Variants in CDK5RAP2 observed in about 807,000 individuals in gnomAD.
CDK5RAP2 encodes CDK5 regulatory subunit-associated protein 2.
CDK5RAP2 carries 147 observed loss-of-function variants against 232.9 expected under a neutral mutation model. That is an observed-to-expected ratio of 0.63 (90% CI 0.55 to 0.72). CDK5RAP2 has a LOEUF of 0.72. Ranked by LOEUF, CDK5RAP2 falls within the 30% of genes least tolerant of loss-of-function variation. CDK5RAP2 has a pLI of 0.00. For synonymous variants in CDK5RAP2, 833 were observed against 833.7 expected, an observed-to-expected ratio of 1.00 and a Z score of 0.01; for missense variants, 2,195 against 2,231.5, an observed-to-expected ratio of 0.98 and a Z score of 0.33.
chr9:120,544,202 T>C (rs987672749), intron 5 of CDK5RAP2, among the ~76,000 whole-genome samples: 5 of 152,174 alleles, frequency 3.3e-5, no homozygotes, highest in African/African-American at 7.2e-5. Flanking sequence ...GAGGAGTGTA[T>C]GCAAGCCTTT....
At chr9:120,498,178 T>C (rs1422149026) in intron 12 of CDK5RAP2, among the ~76,000 whole-genome samples, 1 of 152,206 alleles carries the variant, frequency 6.6e-6, no homozygotes, top group Non-Finnish European at 1.5e-5. Flanking sequence ...TGATCACCAA[T>C]AAATAGTCTG....
At position 120,471,776 on chromosome 9, in the gene CDK5RAP2, C is replaced by A; in HGVS notation, c.1830G>T (p.Glu610Asp). ...SYQNLRKTLE[E>D]QISEIRRREE... Reference sequence around the variant, plus strand: ...CCCGCCTCCGAATTTCGCTGATCTGCTCCTCCAAGGTCTTCCGCAAATTCT... The same window carrying A: ...CCCGCCTCCGAATTTCGCTGATCTGATCCTCCAAGGTCTTCCGCAAATTCT... The change falls in exon 16 of 38, where the codon GAG becomes GAT. Residue 610 changes from glutamate (E) to aspartate (D), a missense_variant. Coordinates refer to ENST00000349780, the MANE Select transcript of CDK5RAP2 (RefSeq NM_018249.6). 1 of 1,614,150 alleles carries A rather than the reference C, an allele frequency of 6.2e-7. No homozygotes were observed. Among genetic ancestry groups the A allele is most frequent in the Non-Finnish European group, 8.5e-7 (1 of 1,179,986 alleles).
At chr9:120,411,324 G>A (rs1189111203) in intron 29 of CDK5RAP2, 34 bp downstream of exon 29, 31 of 1,292,974 alleles carry the variant, frequency 2.4e-5, no homozygotes, top group Admixed American at 1.3e-4. Context: ...AGGCTTTGGC[G>A]TTCCAGACTT....
At chr9:120,397,271 T>C (rs2032554570) in intron 35 of CDK5RAP2, among the ~76,000 whole-genome samples, 1 of 152,168 alleles carries the variant, frequency 6.6e-6, no homozygotes, top group African/African-American at 2.4e-5. Flanking sequence ...GCTTCAGCAA[T>C]GATCAATTCA....
chr9:120,400,373 C>T (rs2032893154), intron 35 of CDK5RAP2, among the ~76,000 whole-genome samples: 1 of 152,188 alleles, frequency 6.6e-6, no homozygotes, highest in Non-Finnish European at 1.5e-5. Flanking sequence ...ATGAGCTAGT[C>T]CATGAGGACA....
At chr9:120,455,216 C>T (rs961042987) in intron 20 of CDK5RAP2, among the ~76,000 whole-genome samples, 2 of 152,026 alleles carry the variant, frequency 1.3e-5, no homozygotes, top group Non-Finnish European at 2.9e-5. Flanking sequence ...AGAACAACAG[C>T]GGAGGGCTTC....
rs545453674 is a variant in CDK5RAP2, at chr9:120,576,055, T to C, written c.59+3865A>G. 4.6e-5 allele frequency among the ~76,000 whole-genome samples: 7 copies of C among 152,366 alleles called. 1 individual carries two copies. Among genetic ancestry groups the C allele is most frequent in the African/African-American group, 1.7e-4 (7 of 41,594 alleles). On this transcript the variant is annotated intron_variant, in intron 1 of 37. Coordinates refer to ENST00000349780, the MANE Select transcript of CDK5RAP2 (RefSeq NM_018249.6). ...TATTCTGTTCTATTTTTCTAAATCC[T>C]GGTTGCAACCTACTAAATTGAATTT...
At chr9:120,444,148 T>C (rs1373005215) in intron 22 of CDK5RAP2, among the ~76,000 whole-genome samples, 1 of 152,252 alleles carries the variant, frequency 6.6e-6, no homozygotes, top group Non-Finnish European at 1.5e-5. Context: ...GCATGGTGGC[T>C]CATGCCTATA....
At chr9:120,505,168 C>A (rs2039752041) in intron 12 of CDK5RAP2, among the ~76,000 whole-genome samples, 1 of 152,114 alleles carries the variant, frequency 6.6e-6, no homozygotes, top group Non-Finnish European at 1.5e-5. Context: ...GTCAGCATCA[C>A]TTTTCCAACA....
chr9:120,474,754 T>C (rs2037911226), intron 15 of CDK5RAP2, among the ~76,000 whole-genome samples: 1 of 152,262 alleles, frequency 6.6e-6, no homozygotes, highest in African/African-American at 2.4e-5. Context: ...AGCCACATTC[T>C]TGCTCACAAT....
At chr9:120,413,580 T>C (rs74450968) in intron 28 of CDK5RAP2, among the ~76,000 whole-genome samples, 188 of 152,362 alleles carry the variant, frequency 1.2e-3, no homozygotes, top group African/African-American at 4.4e-3. Flanking sequence ...TCCAGAGCAA[T>C]TGTCTGCTCC....
Position 120,435,070 on chromosome 9 carries a change from C to T in CDK5RAP2, c.3955+2225G>A, listed in dbSNP as rs190004999. 2.6e-5 allele frequency among the ~76,000 whole-genome samples: 4 copies of T among 152,208 alleles called. No homozygotes were observed. The East Asian group carries it at 7.7e-4, about 29-fold the overall frequency. ...GGGTAGAAAACTCTAAAATTGAATA[C>T]AAATAAAAACAAATGAATCTAATTG... On this transcript the variant is annotated intron_variant, in intron 25 of 37. Transcript: ENST00000349780.
chr9:120,397,544 T>TAAAAAAAAAAAAAAAAAAAACAA (rs2032591502), intron 35 of CDK5RAP2, among the ~76,000 whole-genome samples: 1 of 49,194 alleles, frequency 2.0e-5, no homozygotes, highest in Non-Finnish European at 3.7e-5. Context: ...AAAACATTCT[T>TAAAAAAAAAAAAAAAAAAAACAA]AAAAAAAAAA....
chr9:120,435,710 T>A (rs1023195138), intron 25 of CDK5RAP2, among the ~76,000 whole-genome samples: 1 of 152,142 alleles, frequency 6.6e-6, no homozygotes. Flanking sequence ...GATGGAGACA[T>A]GTCAAAAGAA....
chr9:120,544,393 A>G (rs1335600229), intron 5 of CDK5RAP2, among the ~76,000 whole-genome samples: 1 of 152,212 alleles, frequency 6.6e-6, no homozygotes, highest in Non-Finnish European at 1.5e-5. Flanking sequence ...AACAACAATA[A>G]CAACTTGTTA....
rs565755005 is a variant in CDK5RAP2, at chr9:120,534,024, C to G, written c.662+2348G>C. ...CCTGAGAACCAGTCTTCTACCCAGC[C>G]CCAGTGTCAATCCATTCCCCAAGGG... is the stretch of plus-strand genomic sequence containing the variant. On this transcript the variant is annotated intron_variant, in intron 7 of 37. Coordinates refer to ENST00000349780, the MANE Select transcript of CDK5RAP2 (RefSeq NM_018249.6). 1.1e-3 allele frequency among the ~76,000 whole-genome samples: 163 copies of G among 152,234 alleles called. 1 individual carries two copies. Among genetic ancestry groups the G allele is most frequent in the African/African-American group, 3.9e-3 (160 of 41,526 alleles).
rs914954431 is a variant in CDK5RAP2, at chr9:120,406,920, T to C, written c.4963+92A>G. ...TCAGCTATCAATGGAAAGACACCTC[T>C]GTGGGGCAAAGGCATCATTCAGAAG... On this transcript the variant is annotated intron_variant, in intron 32 of 37. Transcript: ENST00000349780. 1.0e-5 allele frequency: 10 copies of C among 970,478 alleles called. No individual in the cohort carries two copies. In the African/African-American group the frequency reaches 1.1e-4, roughly 11 times the overall value. 60.1% of individuals were successfully genotyped at this position (970,478 alleles called of 1,614,324 possible).
chr9:120,394,309 C>T (rs2032266016), intron 36 of CDK5RAP2, among the ~76,000 whole-genome samples: 1 of 152,118 alleles, frequency 6.6e-6, no homozygotes, highest in Non-Finnish European at 1.5e-5. Context: ...GTCCCTGACA[C>T]CAAAAGGCCG....
chr9:120,416,579 ATACT>A (rs1258752077), intron 27 of CDK5RAP2, among the ~76,000 whole-genome samples: 3 of 152,212 alleles, frequency 2.0e-5, no homozygotes, highest in Admixed American at 6.5e-5. Flanking sequence ...TTTTAACATA[ATACT>A]TAATAATACA....
Sources: allele counts gnomAD v4.1 joint callset (sites outside exome capture counted in the v4.1 genomes callset), GRCh38; gene constraint gnomAD v4.1.1; transcripts MANE v1.5; gene names NCBI Gene and HGNC (gene_info 2026-07-23, HGNC 2026-07-21).